Variants in LDLRAD1 observed in about 807,000 individuals in gnomAD.
The protein encoded by LDLRAD1 is low density lipoprotein receptor class A domain containing 1, also known as low-density lipoprotein receptor class A domain-containing protein 1.
A neutral mutation model predicts 24.8 loss-of-function variants in LDLRAD1; 17 were observed. The ratio of observed to expected loss-of-function variants is 0.69; its 90% CI spans 0.47 to 1.03. LDLRAD1 has a LOEUF of 1.03. Among genes scored for constraint, LDLRAD1 ranks in the 50% least tolerant of loss-of-function variants. The pLI is 0.00. For missense variants in LDLRAD1, 277 were observed against 271.0 expected, an observed-to-expected ratio of 1.02 and a Z score of -0.16; for synonymous variants, 103 against 108.2, an observed-to-expected ratio of 0.95 and a Z score of 0.30.
At position 54,007,342 on chromosome 1, in the gene LDLRAD1, C is replaced by A. The variant is rs776629003; in HGVS notation, c.*1640G>T. On this transcript the variant is annotated 3_prime_UTR_variant, in exon 6 of 6. Transcript: ENST00000371360. ...TATTAATTTTTCAGTGGGGATATGT[C>A]TGTCTCCCTCGACAGGAGCCCTCCC... 1 of 152,216 alleles carries A rather than the reference C, an allele frequency of 6.6e-6. No homozygotes were observed. Among genetic ancestry groups the A allele is most frequent in the Non-Finnish European group, 1.5e-5 (1 of 68,048 alleles). 9.4% of individuals were successfully genotyped at this position (152,216 alleles called of 1,614,324 possible).
intron 1 of LDLRAD1, 130 bp downstream of exon 1, chr1:54,017,962 G>A (rs760468673): frequency 6.2e-5 from 53 of 854,604 alleles, no homozygotes; most frequent in Non-Finnish European, 8.9e-5. Context: ...CCTGGTCAGG[G>A]CGGCTCTTAC....
intron 3 of LDLRAD1, 66 bp downstream of exon 3, chr1:54,014,170 C>T (rs1656187953): frequency 3.3e-6 from 5 of 1,534,608 alleles, no homozygotes; most frequent in Non-Finnish European, 4.4e-6. Context: ...GGGGCTCCCT[C>T]ATCTCTCTGT....
rs781390325 is a variant in LDLRAD1 at position 54,010,384 on chromosome 1, A to C, written c.367T>G (p.Phe123Val). ...GGGTCTCCACAGTGGGCCACAAGGA[A>C]GTGGGGGAGGCTCTGGGGCACATCT... is the stretch of plus-strand genomic sequence containing the variant. ...CRDVPQSLPH[F>V]LVAHCGDPAS... The change falls in exon 5 of 6, where the codon TTC becomes GTC. Residue 123 changes from phenylalanine (F) to valine (V), a missense_variant. By Grantham distance (50) the Phe-to-Val change is conservative. Coordinates refer to ENST00000371360, the MANE Select transcript of LDLRAD1 (RefSeq NM_001010978.4). The C allele has an allele frequency of 3.1e-6, 5 of 1,613,966 alleles. No individual in the cohort carries two copies. The highest frequency in any genetic ancestry group is 3.4e-6 in the Non-Finnish European group (4 of 1,179,974).
intron 1 of LDLRAD1, among the ~76,000 whole-genome samples, chr1:54,017,724 C>T (rs1656372342): frequency 6.6e-6 from 1 of 152,092 alleles, no homozygotes; most frequent in Non-Finnish European, 1.5e-5. Context: ...CTGATACCCT[C>T]CTCCCCAGTA....
chr1:54,013,400 C>T (rs1040075695), intron 3 of LDLRAD1, among the ~76,000 whole-genome samples: 5 of 149,512 alleles, frequency 3.3e-5, no homozygotes. Flanking sequence ...ACCCACCCTG[C>T]CTGGCTGCAG....
intron 5 of LDLRAD1, among the ~76,000 whole-genome samples, chr1:54,009,940 C>T (rs1309984109): frequency 6.6e-6 from 1 of 152,184 alleles, no homozygotes; most frequent in African/African-American, 2.4e-5. Flanking sequence ...CCCTGCTTTC[C>T]TCACAGGGTC....
At chr1:54,017,974 T>C in intron 1 of LDLRAD1, 118 bp downstream of exon 1, 1 of 967,066 alleles carries the variant, frequency 1.0e-6, no homozygotes, top group Non-Finnish European at 1.7e-6. Context: ...GGCTCTTACC[T>C]GGGGACAGCT....
At chr1:54,014,441 C>T (rs1339186072) in intron 2 of LDLRAD1, 77 bp from the exon 3 acceptor site, 6 of 1,372,366 alleles carry the variant, frequency 4.4e-6, no homozygotes, top group Non-Finnish European at 5.0e-6. Context: ...CCCTCTCCGC[C>T]CTGCCCGCTG....
Position 54,009,999 on chromosome 1 carries a change from G to A in LDLRAD1, c.469+283C>T, listed in dbSNP as rs2100243141. 2.0e-5 allele frequency among the ~76,000 whole-genome samples: 3 copies of A among 152,268 alleles called. No homozygotes were observed. The South Asian group carries it at 6.2e-4, about 32-fold the overall frequency. On this transcript the variant is annotated intron_variant, in intron 5 of 5. Transcript: ENST00000371360. ...AACCCCAGGTTCAAATCCCAGCTGG[G>A]CCATGTATGTACTCCTTGCATGACC...
At chr1:54,010,870 GAGTCAGAGC>G (rs1449439100) in intron 4 of LDLRAD1, among the ~76,000 whole-genome samples, 3 of 152,228 alleles carry the variant, frequency 2.0e-5, no homozygotes, top group Admixed American at 1.3e-4. Flanking sequence ...TTGTAAGGCA[GAGTCAGAGC>G]ACCTTTCTTG....
At chr1:54,010,073 C>T (rs1655981196) in intron 5 of LDLRAD1, among the ~76,000 whole-genome samples, 1 of 152,178 alleles carries the variant, frequency 6.6e-6, no homozygotes, top group Non-Finnish European at 1.5e-5. Flanking sequence ...GGTGACTTCC[C>T]CACTGCAGAA....
Position 54,012,355 on chromosome 1 carries a change from G to A in LDLRAD1, c.203-75C>T, listed in dbSNP as rs945071860. On this transcript the variant is annotated intron_variant, in intron 3 of 5. Transcript: ENST00000371360. ...GACAAACCTTCCTCACCTGAACTCC[G>A]CCTAGAGCTGGCCTGAGGGGCTGGG... is the stretch of plus-strand genomic sequence containing the variant. 2.2e-5 allele frequency: 34 copies of A among 1,525,044 alleles called. No homozygotes were observed. The Admixed American group carries it at 3.2e-4, about 14-fold the overall frequency. 94.5% of individuals were successfully genotyped at this position (1,525,044 alleles called of 1,614,324 possible).
Position 54,008,988 on chromosome 1 carries a change from T to C in LDLRAD1, c.612A>G (p.Gly204=). 6.2e-7 allele frequency: 1 copy of C among 1,612,630 alleles called. No homozygotes were observed. The highest frequency in any genetic ancestry group is 1.1e-5 in the South Asian group (1 of 90,976). The change falls in exon 6 of 6, where the codon GGA becomes GGG. Residue 204 remains glycine, a synonymous_variant. Transcript: ENST00000371360. The part of the protein sequence containing the change: ...SDWSDEYACP[G]P The stretch of plus-strand genomic sequence containing the variant: ...GCTGGCCTGAGTGGCCCACTCAGGG[T>C]CCGGGACAGGCATACTCATCGGACC...
intron 3 of LDLRAD1, among the ~76,000 whole-genome samples, chr1:54,012,894 G>T (rs1433571069): frequency 6.6e-6 from 1 of 152,146 alleles, no homozygotes; most frequent in Non-Finnish European, 1.5e-5. Flanking sequence ...CTGCCCCAAA[G>T]AATTAAAAGG....
intron 2 of LDLRAD1, among the ~76,000 whole-genome samples, chr1:54,015,836 A>G (rs1289072830): frequency 2.0e-5 from 3 of 151,828 alleles, no homozygotes; most frequent in African/African-American, 7.3e-5. Context: ...TTGTATTTTT[A>G]GTAGAGACGG....
chr1:54,008,907 C>T lies in LDLRAD1; in HGVS notation c.*75G>A, dbSNP rs1053383023. On this transcript the variant is annotated 3_prime_UTR_variant, in exon 6 of 6. Transcript: ENST00000371360. ...AAAGGCTGCTTCCTGCCCTTGTGCGCTAGGATTTGATTTTCATGTGAAGGG... is the reference window on the plus strand; with the variant it reads ...AAAGGCTGCTTCCTGCCCTTGTGCGTTAGGATTTGATTTTCATGTGAAGGG... 1.3e-4 allele frequency: 185 copies of T among 1,397,432 alleles called. No homozygotes were observed. The highest frequency in any genetic ancestry group is 1.6e-4 in the Non-Finnish European group (162 of 1,020,018). 86.6% of individuals were successfully genotyped at this position (1,397,432 alleles called of 1,614,324 possible).
intron 4 of LDLRAD1, among the ~76,000 whole-genome samples, chr1:54,011,778 G>A (rs1319156983): frequency 6.6e-6 from 1 of 152,224 alleles, no homozygotes; most frequent in African/African-American, 2.4e-5. Flanking sequence ...AATCAAGAGC[G>A]ACAACCAGTG....
chr1:54,010,774 T>C (rs1249093003), intron 4 of LDLRAD1, among the ~76,000 whole-genome samples: 1 of 152,216 alleles, frequency 6.6e-6, no homozygotes, highest in African/African-American at 2.4e-5. Context: ...CCAGGAAGCC[T>C]CTTCCAACTG....
At chr1:54,016,841 G>A (rs559300948) in intron 2 of LDLRAD1, among the ~76,000 whole-genome samples, 1 of 152,298 alleles carries the variant, frequency 6.6e-6, no homozygotes, top group Admixed American at 6.5e-5. Context: ...TTTATAGCTG[G>A]TATTTTAATC....
Sources: gnomAD v4.1 joint callset for allele counts (sites outside exome capture counted in the v4.1 genomes callset) on GRCh38, gnomAD v4.1.1 for gene constraint, MANE v1.5 for transcripts, NCBI Gene and HGNC (gene_info 2026-07-23, HGNC 2026-07-21) for gene names.